The following LRP2 variants were observed in gnomAD, a reference collection of about 807,000 sequenced individuals.
The protein encoded by LRP2 is LDL receptor related protein 2.
In LRP2, 172 loss-of-function variants were observed where a neutral mutation model predicts 531.0. That is an observed-to-expected ratio of 0.32 (90% CI 0.29 to 0.37). The LOEUF is 0.37. Ranked by LOEUF, LRP2 falls within the 10% of genes least tolerant of loss-of-function variation. The probability of loss-of-function intolerance (pLI) is 1.00; values close to 1 mark genes in which losing one functional copy is unlikely to be tolerated. For synonymous variants in LRP2, 1,992 were observed against 2,027.6 expected, an observed-to-expected ratio of 0.98 and a Z score of 0.47; for missense variants, 5,167 against 5,868.3, an observed-to-expected ratio of 0.88 and a Z score of 3.90.
At chr2:169,173,319 G>A (rs1687070183) in intron 56 of LRP2, 95 bp from the exon 57 acceptor site, 3 of 1,491,652 alleles carry the variant, frequency 2.0e-6, no homozygotes, top group Non-Finnish European at 2.8e-6. Flanking sequence ...GAATAACAAT[G>A]ACCATGTTAC....
At chr2:169,216,967 ACTTTTC>A (rs1688820574) in intron 34 of LRP2, among the ~76,000 whole-genome samples, 1 of 152,172 alleles carries the variant, frequency 6.6e-6, no homozygotes, top group South Asian at 2.1e-4. Context: ...AATGAGTAAC[ACTTTTC>A]TGTGAGAGTG....
chr2:169,176,112 G>C (rs988290874), intron 54 of LRP2, among the ~76,000 whole-genome samples: 1 of 152,192 alleles, frequency 6.6e-6, no homozygotes, highest in African/African-American at 2.4e-5. Flanking sequence ...TTTTCAGTAT[G>C]TACTTATATA....
In LRP2 at chr2:169,244,999, T is replaced by C. The variant is rs1689952083; in HGVS notation, c.3191-67A>G. ...CAGCCTTTTAAATGAGTTCTTGCCT[T>C]ATAAAGGCTCAGTTCACCTTTTTTA... On this transcript the variant is annotated intron_variant, in intron 21 of 78. Coordinates refer to ENST00000649046, the MANE Select transcript of LRP2 (RefSeq NM_004525.3). 17 of 1,590,230 alleles carry C rather than the reference T, an allele frequency of 1.1e-5. No homozygotes were observed. The East Asian group carries it at 3.6e-4, about 33-fold the overall frequency.
chr2:169,167,965 C>T (rs1323911548), intron 61 of LRP2, among the ~76,000 whole-genome samples: 1 of 140,372 alleles, frequency 7.1e-6, no homozygotes, highest in Non-Finnish European at 1.5e-5. Flanking sequence ...TACCCCTCCT[C>T]CTCTGCTACT....
intron 1 of LRP2, among the ~76,000 whole-genome samples, chr2:169,327,727 C>G (rs1364851459): frequency 8.4e-6 from 1 of 119,360 alleles, no homozygotes; most frequent in East Asian, 3.0e-4. Flanking sequence ...GCACCCCGCC[C>G]GGCCAGCCGC....
At chr2:169,338,394 A>G (rs1406352763) in intron 1 of LRP2, among the ~76,000 whole-genome samples, 1 of 126,966 alleles carries the variant, frequency 7.9e-6, no homozygotes, top group Non-Finnish European at 1.7e-5. Context: ...GAAAGAAAGA[A>G]AGAAAGAAAG....
At chr2:169,191,778 C>T in intron 48 of LRP2, 54 bp downstream of exon 48, 1 of 1,528,320 alleles carries the variant, frequency 6.5e-7, no homozygotes, top group African/African-American at 1.4e-5. Context: ...TAAGTGAGCC[C>T]AGCCCCCATG....
chr2:169,325,801 G>GT (rs961932097), intron 1 of LRP2, among the ~76,000 whole-genome samples: 93 of 148,338 alleles, frequency 6.3e-4, no homozygotes, highest in South Asian at 1.5e-3. Context: ...ATTCTTTTGG[G>GT]TTTTTTTTTT....
At chr2:169,164,925 C>T (rs1253896324) in intron 62 of LRP2, among the ~76,000 whole-genome samples, 1 of 152,132 alleles carries the variant, frequency 6.6e-6, no homozygotes, top group Non-Finnish European at 1.5e-5. Context: ...GGGAAATCTG[C>T]TCAAATTCTT....
intron 16 of LRP2, among the ~76,000 whole-genome samples, chr2:169,269,154 A>G (rs956089621): frequency 3.3e-5 from 5 of 152,218 alleles, no homozygotes; most frequent in African/African-American, 1.2e-4. Context: ...GGAAGAATCA[A>G]TATTGTGAAA....
intron 1 of LRP2, among the ~76,000 whole-genome samples, chr2:169,343,249 GGA>G (rs1429501040): frequency 6.6e-6 from 1 of 152,178 alleles, no homozygotes; most frequent in Non-Finnish European, 1.5e-5. Flanking sequence ...TCAAGACCTG[GGA>G]GGTGAAGAAC....
intron 12 of LRP2, 110 bp downstream of exon 12, chr2:169,279,261 GC>G (rs1363989525): frequency 1.2e-6 from 1 of 810,358 alleles, no homozygotes; most frequent in Non-Finnish European, 2.1e-6. Flanking sequence ...AGAGTATACA[GC>G]CTAAAAGAAA....
intron 66 of LRP2, among the ~76,000 whole-genome samples, 169 bp from the exon 67 acceptor site, chr2:169,153,133 C>A (rs942216287): frequency 1.3e-5 from 2 of 152,198 alleles, no homozygotes; most frequent in African/African-American, 4.8e-5. Context: ...AACTTTAAAA[C>A]CTATCAAACT....
chr2:169,139,229 C>A (rs370461433), intron 74 of LRP2, 22 bp downstream of exon 74: 2 of 1,613,972 alleles, frequency 1.2e-6, no homozygotes, highest in African/African-American at 2.7e-5. Context: ...CAAACATCAA[C>A]GTTCCCCATA....
intron 62 of LRP2, among the ~76,000 whole-genome samples, chr2:169,164,635 G>A (rs1314655610): frequency 6.6e-6 from 1 of 152,116 alleles, no homozygotes; most frequent in Non-Finnish European, 1.5e-5. Context: ...TGTCCCTGAT[G>A]GCATAATTAT....
In LRP2 at chr2:169,181,601, T is replaced by A; in HGVS notation, c.10016A>T (p.Asp3339Val). Reference sequence around the variant, plus strand: ...CCCAATGTATGCGCGGTGACCCCAGTCTGCCCAGTAGAGGTACCTGTCAGG... The same window carrying A: ...CCCAATGTATGCGCGGTGACCCCAGACTGCCCAGTAGAGGTACCTGTCAGG... ...HPQYGYLYWADWGHRAYIGRV... is the reference protein window; with the variant it reads ...HPQYGYLYWAVWGHRAYIGRV... Residue 3339 changes from aspartate to valine, a missense_variant, in exon 52 of 79, where the codon GAC becomes GTC. Physicochemically the swap from Asp to Val is radical, Grantham distance 152. Around this residue, in one of 6 missense-constraint regions of LRP2, gnomAD observed 1,129 missense variants for 1,362.7 expected, o/e 0.83. Coordinates refer to ENST00000649046, the MANE Select transcript of LRP2 (RefSeq NM_004525.3). 2 of 1,614,102 alleles carry A rather than the reference T, an allele frequency of 1.2e-6. No homozygotes were observed. The highest frequency in any genetic ancestry group is 1.7e-6 in the Non-Finnish European group (2 of 1,180,004).
rs554125749 is a variant in LRP2, at chr2:169,319,832, A to T, written c.187+945T>A. Among the ~76,000 whole-genome samples, 5 of 152,332 alleles carry T rather than the reference A, an allele frequency of 3.3e-5. No homozygotes were observed. In the East Asian group the frequency reaches 9.6e-4, roughly 29 times the overall value. Reference sequence around the variant, plus strand: ...GAGCTCCTGGGTGATCCATTTGTGCATGAGTATTTGAGGAGCACTGTACAG... The same window carrying T: ...GAGCTCCTGGGTGATCCATTTGTGCTTGAGTATTTGAGGAGCACTGTACAG... On this transcript the variant is annotated intron_variant, in intron 2 of 78. Transcript: ENST00000649046.
intron 65 of LRP2, among the ~76,000 whole-genome samples, chr2:169,155,869 T>A (rs184294722): frequency 2.0e-4 from 31 of 152,308 alleles, no homozygotes; most frequent in Non-Finnish European, 3.8e-4. Flanking sequence ...AATCTTATTC[T>A]CAGTGGAGTG....
chr2:169,268,857 T>A (rs1424155219), intron 16 of LRP2, among the ~76,000 whole-genome samples: 1 of 152,188 alleles, frequency 6.6e-6, no homozygotes. Flanking sequence ...GAAAACCCCA[T>A]CATCTCAGCC....
Sources: allele counts gnomAD v4.1 joint callset (sites outside exome capture counted in the v4.1 genomes callset), GRCh38; gene constraint gnomAD v4.1.1; regional missense constraint gnomAD v4.1.1; transcripts MANE v1.5; gene names NCBI Gene and HGNC (gene_info 2026-07-23, HGNC 2026-07-21).